The following LINGO2 variants were observed in gnomAD, a reference collection of about 807,000 sequenced individuals.
The protein encoded by LINGO2 is leucine-rich repeat and immunoglobulin-like domain-containing nogo receptor-interacting protein 2.
Under a neutral mutation model 30.6 loss-of-function variants are expected in LINGO2, and 14 were observed. That is an observed-to-expected ratio of 0.46 (90% CI 0.30 to 0.72). The LOEUF (loss-of-function observed/expected upper bound fraction) is 0.72. Ranked by LOEUF, LINGO2 falls within the 30% of genes least tolerant of loss-of-function variation. The probability of loss-of-function intolerance (pLI) is 0.07; values close to 1 mark genes in which losing one functional copy is unlikely to be tolerated. For synonymous variants in LINGO2, 317 were observed against 288.5 expected (o/e 1.10, Z -1.00); for missense variants, 729 against 751.7 (o/e 0.97, Z 0.35).
intron 1 of LINGO2, among the ~76,000 whole-genome samples, chr9:28,538,898 T>A (rs1821551013): frequency 6.6e-6 from 1 of 151,332 alleles, no homozygotes; most frequent in Non-Finnish European, 1.5e-5. Flanking sequence ...TAAAATAGAT[T>A]GAGAAAAATA....
chr9:28,002,104 T>C (rs955896906), intron 5 of LINGO2, among the ~76,000 whole-genome samples: 2 of 152,230 alleles, frequency 1.3e-5, no homozygotes, highest in African/African-American at 2.4e-5. Flanking sequence ...ATCAATCAGA[T>C]TGAATATTAC....
At chr9:29,176,478 A>T in the LINGO2 span, among the ~76,000 whole-genome samples, 1 of 152,114 alleles carries the variant, frequency 6.6e-6, no homozygotes, top group Non-Finnish European at 1.5e-5. Flanking sequence ...ACATGCACAC[A>T]CTCACAGTTG....
At chr9:29,056,679 G>A in the LINGO2 span, among the ~76,000 whole-genome samples, 5 of 152,092 alleles carry the variant, frequency 3.3e-5, no homozygotes, top group African/African-American at 9.7e-5. Context: ...ATGTCTAGAA[G>A]GGTTTTTCCA....
intron 4 of LINGO2, chr9:28,080,902 A>T (rs1247335143): frequency 1.3e-5 from 2 of 152,228 alleles, no homozygotes; most frequent in Non-Finnish European, 2.9e-5. Flanking sequence ...AAAAGGCTTG[A>T]CGTTCTGAAG....
At chr9:28,164,809 C>T (rs764973095) in intron 4 of LINGO2, among the ~76,000 whole-genome samples, 13 of 152,162 alleles carry the variant, frequency 8.5e-5, no homozygotes, top group South Asian at 4.1e-4. Flanking sequence ...TGAACTGCTC[C>T]CTTAGCCCCC....
the LINGO2 span, among the ~76,000 whole-genome samples, chr9:29,006,865 T>A: frequency 6.8e-4 from 104 of 152,194 alleles, no homozygotes; most frequent in Middle Eastern, 0.014. Context: ...TCCAAGGTCC[T>A]TTGATGCCTT....
chr9:28,704,260 T>C, the LINGO2 span, among the ~76,000 whole-genome samples: 1 of 152,214 alleles, frequency 6.6e-6, no homozygotes, highest in South Asian at 2.1e-4. Flanking sequence ...CTCTTCTTGC[T>C]TGCAAGATTT....
intron 1 of LINGO2, among the ~76,000 whole-genome samples, chr9:28,498,168 G>A (rs7862464): frequency 0.67 from 102,196 of 151,940 alleles, 34,496 homozygotes; most frequent in South Asian, 0.72. Context: ...TGGGAGAACC[G>A]CTACTCTCTT....
At chr9:28,965,824 A>G in the LINGO2 span, among the ~76,000 whole-genome samples, 14 of 152,284 alleles carry the variant, frequency 9.2e-5, no homozygotes, top group South Asian at 1.7e-3. Context: ...TAGAGAAACT[A>G]TAAGTAAATA....
chr9:28,054,610 T>G (rs1824832822), intron 4 of LINGO2, among the ~76,000 whole-genome samples: 1 of 152,166 alleles, frequency 6.6e-6, no homozygotes. Context: ...TCCCCTTTTA[T>G]CTTCCTCAAA....
chr9:28,033,137 T>C (rs1305651466), intron 4 of LINGO2, among the ~76,000 whole-genome samples: 1 of 152,202 alleles, frequency 6.6e-6, no homozygotes, highest in Non-Finnish European at 1.5e-5. Context: ...CGTTGTTAGT[T>C]GCGTATGTGA....
intron 5 of LINGO2, among the ~76,000 whole-genome samples, chr9:27,965,309 C>T (rs1820046153): frequency 1.3e-5 from 2 of 151,394 alleles, no homozygotes; most frequent in Admixed American, 1.3e-4. Context: ...GAGCTCTTAA[C>T]TTTTACCTTA....
At chr9:29,075,450 A>T in the LINGO2 span, among the ~76,000 whole-genome samples, 29,958 of 151,940 alleles carry the variant, frequency 0.2, 3,067 homozygotes, top group African/African-American at 0.24. Flanking sequence ...AATAGCTTTA[A>T]TTTTTTTAAT....
At chr9:28,599,209 C>A (rs1825350012) in intron 1 of LINGO2, 1 of 152,178 alleles carries the variant, frequency 6.6e-6, no homozygotes, top group Non-Finnish European at 1.5e-5. Context: ...ACTCCTCCAT[C>A]TCCCCATGGC....
chr9:29,151,661 G>A, the LINGO2 span, among the ~76,000 whole-genome samples: 34 of 152,076 alleles, frequency 2.2e-4, no homozygotes, highest in African/African-American at 8.0e-4. Flanking sequence ...AAAAAGAAGG[G>A]CATTACCTAA....
intron 4 of LINGO2, among the ~76,000 whole-genome samples, chr9:28,074,113 G>A (rs1825557820): frequency 6.6e-6 from 1 of 152,034 alleles, no homozygotes; most frequent in Non-Finnish European, 1.5e-5. Flanking sequence ...GTGGCACCAG[G>A]AATAATATTA....
chr9:28,759,321 G>C, the LINGO2 span, among the ~76,000 whole-genome samples: 1 of 152,028 alleles, frequency 6.6e-6, no homozygotes. Flanking sequence ...AGAAAGTAAA[G>C]AAGATTTGAA....
At chr9:28,968,433 T>A in the LINGO2 span, among the ~76,000 whole-genome samples, 6,269 of 152,230 alleles carry the variant, frequency 0.041, 197 homozygotes, top group Admixed American at 0.082. Context: ...TCTTCAGGTG[T>A]TTCTTGTTAA....
intron 3 of LINGO2, among the ~76,000 whole-genome samples, chr9:28,315,595 G>C (rs867389110): frequency 3.3e-5 from 5 of 152,094 alleles, no homozygotes; most frequent in Middle Eastern, 3.4e-3. Flanking sequence ...TATTATCTAG[G>C]TTTTAATAAA....
Sources: allele counts gnomAD v4.1 joint callset (sites outside exome capture counted in the v4.1 genomes callset), GRCh38; gene constraint gnomAD v4.1.1; transcripts MANE v1.5; gene names NCBI Gene and HGNC (gene_info 2026-07-23, HGNC 2026-07-21).